The following CPED1 variants were observed in gnomAD, a reference collection of about 807,000 sequenced individuals.
CPED1 encodes cadherin like and PC-esterase domain containing 1.
In CPED1, 114 loss-of-function variants were observed where a neutral mutation model predicts 128.2. The observed-to-expected ratio is 0.89, with a 90% CI of 0.76 to 1.04. CPED1 has a LOEUF of 1.04. Among genes scored for constraint, CPED1 ranks in the 50% least tolerant of loss-of-function variants. The probability of loss-of-function intolerance (pLI) is 0.00; values close to 1 mark genes in which losing one functional copy is unlikely to be tolerated. For synonymous variants in CPED1, 462 were observed against 426.7 expected (o/e 1.08, Z -1.02); for missense variants, 1,211 against 1,207.1 (o/e 1.00, Z -0.05).
rs180735479 is a variant in CPED1 at position 121,205,406 on chromosome 7, A to T, written c.2056-31308A>T. On this transcript the variant is annotated intron_variant, in intron 16 of 22. Coordinates refer to ENST00000310396, the MANE Select transcript of CPED1 (RefSeq NM_024913.5). ...TCTGAGTGTTTTATCCACTTTTCACATTGTTGAAAGATTTCACAGTCACTC... is the reference window on the plus strand; with the variant it reads ...TCTGAGTGTTTTATCCACTTTTCACTTTGTTGAAAGATTTCACAGTCACTC... Among the ~76,000 whole-genome samples the T allele has an allele frequency of 1.4e-4, 22 of 152,048 alleles. No individual in the cohort carries two copies. The East Asian group carries it at 4.1e-3, about 28-fold the overall frequency.
intron 18 of CPED1, among the ~76,000 whole-genome samples, chr7:121,250,377 C>A (rs1798641727): frequency 6.6e-6 from 1 of 151,482 alleles, no homozygotes; most frequent in African/African-American, 2.4e-5. Context: ...CAGGAAAGAT[C>A]TAAAATTGAC....
intron 12 of CPED1, among the ~76,000 whole-genome samples, chr7:121,131,067 G>A (rs1352929503): frequency 6.6e-6 from 1 of 152,056 alleles, no homozygotes; most frequent in East Asian, 1.9e-4. Context: ...GGAGATGAAA[G>A]ACTAAATGGC....
intron 16 of CPED1, among the ~76,000 whole-genome samples, chr7:121,202,911 A>C (rs1797431937): frequency 6.6e-6 from 1 of 152,076 alleles, no homozygotes; most frequent in Non-Finnish European, 1.5e-5. Context: ...AGGCTTATAG[A>C]CCCAGTGAGT....
intron 16 of CPED1, among the ~76,000 whole-genome samples, chr7:121,213,109 C>A (rs920838278): frequency 2.0e-5 from 3 of 151,920 alleles, no homozygotes; most frequent in African/African-American, 7.2e-5. Context: ...AAGAGTCTTC[C>A]CTGATGAAGA....
chr7:121,052,413 G>A (rs142659016), intron 4 of CPED1, among the ~76,000 whole-genome samples: 16 of 152,264 alleles, frequency 1.1e-4, no homozygotes, highest in African/African-American at 3.9e-4. Context: ...TTGGGCTTTC[G>A]TGGTCAACCC....
intron 16 of CPED1, among the ~76,000 whole-genome samples, chr7:121,196,058 T>G (rs1392565720): frequency 1.3e-5 from 2 of 151,994 alleles, no homozygotes; most frequent in African/African-American, 4.8e-5. Flanking sequence ...AAGAAAACCT[T>G]GTTGTAAGTA....
intron 12 of CPED1, among the ~76,000 whole-genome samples, chr7:121,130,920 T>C (rs1249236625): frequency 1.3e-5 from 2 of 152,080 alleles, no homozygotes; most frequent in Non-Finnish European, 2.9e-5. Context: ...CTGAGATGGA[T>C]AAAATTTTAT....
intron 16 of CPED1, among the ~76,000 whole-genome samples, chr7:121,219,653 AAC>A (rs774575391): frequency 1.2e-4 from 18 of 152,068 alleles, no homozygotes; most frequent in Non-Finnish European, 2.2e-4. Flanking sequence ...TTAGGGAAGA[AAC>A]ACACAACTGT....
chr7:121,056,667 T>A (rs1375239290), intron 4 of CPED1, among the ~76,000 whole-genome samples: 1 of 152,194 alleles, frequency 6.6e-6, no homozygotes, highest in African/African-American at 2.4e-5. Context: ...CTTATATTAT[T>A]TCTCTAATCA....
intron 16 of CPED1, among the ~76,000 whole-genome samples, chr7:121,174,503 T>TG (rs397954593): frequency 6.6e-6 from 1 of 151,992 alleles, no homozygotes; most frequent in East Asian, 1.9e-4. Context: ...CTTTTTTTTT[T>TG]GTCAGCTTTG....
Position 121,236,694 on chromosome 7 carries a change from T to TA in CPED1, c.2056-19dup. On this transcript the variant is annotated intron_variant, in intron 16 of 22. Coordinates refer to ENST00000310396, the MANE Select transcript of CPED1 (RefSeq NM_024913.5). ...TCAAGTTAATTAATACAACAACTAA[T>TA]ATCTATTATTTTAATGCAGGATTGT... 2 of 1,404,196 alleles carry TA rather than the reference T, an allele frequency of 1.4e-6. No homozygotes were observed. The highest frequency in any genetic ancestry group is 2.0e-6 in the Non-Finnish European group (2 of 1,018,492). 87.0% of individuals were successfully genotyped at this position (1,404,196 alleles called of 1,614,324 possible). A position where few individuals can be genotyped will look rare whatever the true frequency, so the allele number is the denominator to read the frequency against.
intron 5 of CPED1, among the ~76,000 whole-genome samples, chr7:121,067,932 A>T (rs1179835552): frequency 1.3e-5 from 2 of 152,132 alleles, no homozygotes; most frequent in African/African-American, 4.8e-5. Flanking sequence ...GTGTCTGTTC[A>T]TATCCTTTGC....
intron 16 of CPED1, among the ~76,000 whole-genome samples, chr7:121,169,957 G>T (rs960594086): frequency 1.3e-5 from 2 of 151,950 alleles, no homozygotes; most frequent in African/African-American, 4.8e-5. Flanking sequence ...TTCTTCCTTT[G>T]ATCCCCACCT....
chr7:121,263,501 CCCA>C (rs1438394110), intron 18 of CPED1, among the ~76,000 whole-genome samples: 1 of 151,908 alleles, frequency 6.6e-6, no homozygotes, highest in African/African-American at 2.4e-5. Flanking sequence ...TCTGTTTCTC[CCCA>C]CTGTACACAT....
chr7:121,039,017 C>T (rs1049910161), intron 3 of CPED1, among the ~76,000 whole-genome samples: 2 of 152,040 alleles, frequency 1.3e-5, no homozygotes, highest in South Asian at 4.2e-4. Flanking sequence ...TCTTTTATTC[C>T]CTCTTTCCAT....
chr7:121,036,506 TA>T (rs200093513), intron 3 of CPED1, among the ~76,000 whole-genome samples: 48 of 133,638 alleles, frequency 3.6e-4, no homozygotes, highest in African/African-American at 1.2e-3. Context: ...TATATATATA[TA>T]TTTTTTTTTT....
At chr7:121,043,405 C>T (rs111276190) in intron 3 of CPED1, among the ~76,000 whole-genome samples, 1,722 of 152,266 alleles carry the variant, frequency 0.011, 25 homozygotes, top group Middle Eastern at 0.034. Context: ...TATGGAATAG[C>T]ATGATAAATA....
chr7:121,128,402 A>C lies in CPED1; in HGVS notation c.1323A>C (p.Glu441Asp), dbSNP rs760881145. Residue 441 changes from glutamate (E) to aspartate (D), a missense_variant, in exon 11 of 23, where the codon GAA becomes GAC. Coordinates refer to ENST00000310396, the MANE Select transcript of CPED1 (RefSeq NM_024913.5). ...DVFKGENYQKELNQCLSLEEI... is the reference protein window; with the variant it reads ...DVFKGENYQKDLNQCLSLEEI... ...TACAGGGTGAAAACTATCAAAAGGA[A>C]CTAAATCAGTGTCTGTCCTTAGAAG... 1.9e-6 allele frequency: 3 copies of C among 1,591,922 alleles called. No individual in the cohort carries two copies. In the South Asian group the frequency reaches 3.3e-5, roughly 18 times the overall value.
At position 121,295,741 on chromosome 7, in the gene CPED1, A is replaced by C; in HGVS notation, c.*89A>C. Reference sequence around the variant, plus strand: ...GAGCCAAGCGCTGCACATCGCACACATTTGGGATCGACCACACACACTTGT... The same window carrying C: ...GAGCCAAGCGCTGCACATCGCACACCTTTGGGATCGACCACACACACTTGT... On this transcript the variant is annotated 3_prime_UTR_variant, in exon 23 of 23. Transcript: ENST00000310396. The C allele has an allele frequency of 9.2e-7, 1 of 1,084,536 alleles. No homozygotes were observed. Among genetic ancestry groups the C allele is most frequent in the Non-Finnish European group, 1.4e-6 (1 of 721,516 alleles). 67.2% of individuals were successfully genotyped at this position (1,084,536 alleles called of 1,614,324 possible). A position where few individuals can be genotyped will look rare whatever the true frequency, so the allele number is the denominator to read the frequency against.
Sources: allele counts gnomAD v4.1 joint callset (sites outside exome capture counted in the v4.1 genomes callset), GRCh38; gene constraint gnomAD v4.1.1; transcripts MANE v1.5; gene names NCBI Gene and HGNC (gene_info 2026-07-23, HGNC 2026-07-21).